Variants in DMD observed in about 807,000 individuals in gnomAD.
DMD encodes mutant dystrophin.
Under a neutral mutation model 330.1 loss-of-function variants are expected in DMD, and 63 were observed. That is an observed-to-expected ratio of 0.19 (90% CI 0.16 to 0.24). The LOEUF is 0.24. DMD is among the 10% of genes least tolerant of loss of function. The probability of loss-of-function intolerance (pLI) is 1.00; values close to 1 mark genes in which losing one functional copy is unlikely to be tolerated. For missense variants in DMD, 3,344 were observed against 2,684.1 expected (o/e 1.25, Z -5.43); for synonymous variants, 1,223 against 959.8 (o/e 1.27, Z -5.07).
chrX:32,809,446 T>G, intron 7 of DMD, 47 bp downstream of exon 7: 1 of 1,056,616 alleles, frequency 9.5e-7, no homozygotes, highest in Non-Finnish European at 1.3e-6. Context: ...ATGAAAACAT[T>G]AAACTCTACC....
intron 41 of DMD, among the ~76,000 whole-genome samples, chrX:32,322,945 GT>G (rs1479709860): frequency 8.9e-6 from 1 of 112,194 alleles, no homozygotes; most frequent in Non-Finnish European, 1.9e-5. Flanking sequence ...CATCCTTTAT[GT>G]TTTTACGAGG....
At chrX:32,194,802 A>G (rs2096991591) in intron 44 of DMD, among the ~76,000 whole-genome samples, 1 of 112,064 alleles carries the variant, frequency 8.9e-6, no homozygotes, top group Admixed American at 9.5e-5. Flanking sequence ...AATGGTAAAG[A>G]TAGAAATATA....
intron 47 of DMD, among the ~76,000 whole-genome samples, chrX:31,888,709 A>C (rs762645039): frequency 8.9e-6 from 1 of 111,843 alleles, no homozygotes; most frequent in African/African-American, 3.2e-5. Context: ...GAGGTCATTT[A>C]TTTTCTTTCC....
chrX:32,554,700 C>T (rs1299429493), intron 16 of DMD, among the ~76,000 whole-genome samples: 7 of 105,314 alleles, frequency 6.6e-5, no homozygotes, highest in Non-Finnish European at 1.4e-4. Context: ...CAAAGAAGAG[C>T]TGGTATCATT....
At chrX:32,781,100 G>A (rs1034988386) in intron 7 of DMD, among the ~76,000 whole-genome samples, 6 of 101,402 alleles carry the variant, frequency 5.9e-5, no homozygotes, top group African/African-American at 1.9e-4. Context: ...CCTGGGCGAC[G>A]GAGCGAGCCT....
Position 32,878,335 on chromosome X carries a change from T to G in DMD, c.94-28515A>C, listed in dbSNP as rs1314996422. Among the ~76,000 whole-genome samples, 3 of 111,261 alleles carry G rather than the reference T, an allele frequency of 2.7e-5. No individual in the cohort carries two copies. The Admixed American group carries it at 2.8e-4, about 11-fold the overall frequency. ...GGAGCTTGCAGTGAGCCGAGATTGCTCCACTGCACCCCAGCCTGGGCGACA... is the reference window on the plus strand; with the variant it reads ...GGAGCTTGCAGTGAGCCGAGATTGCGCCACTGCACCCCAGCCTGGGCGACA... On this transcript the variant is annotated intron_variant, in intron 2 of 78. Coordinates refer to ENST00000357033, the MANE Select transcript of DMD (RefSeq NM_004006.3).
chrX:32,702,504 A>C (rs867422947), intron 7 of DMD, among the ~76,000 whole-genome samples: 1 of 111,479 alleles, frequency 9.0e-6, no homozygotes, highest in Non-Finnish European at 1.9e-5. Flanking sequence ...AAACTGGTAG[A>C]TTGTACATAG....
chrX:31,710,055 C>T (rs2084513209), intron 52 of DMD, among the ~76,000 whole-genome samples: 1 of 111,776 alleles, frequency 8.9e-6, no homozygotes, highest in Admixed American at 9.5e-5. Context: ...AATACAGATT[C>T]CCAAGGCCTT....
At chrX:32,684,858 T>C (rs946629298) in intron 9 of DMD, among the ~76,000 whole-genome samples, 7 of 111,232 alleles carry the variant, frequency 6.3e-5, no homozygotes, top group African/African-American at 2.3e-4. Flanking sequence ...GGGCTATCAA[T>C]CCTTCGTATG....
chrX:32,863,355 A>G (rs2082215055), intron 2 of DMD, among the ~76,000 whole-genome samples: 1 of 108,652 alleles, frequency 9.2e-6, no homozygotes, highest in South Asian at 4.1e-4. Flanking sequence ...CACCTTTACT[A>G]AAAATACAAA....
intron 53 of DMD, among the ~76,000 whole-genome samples, chrX:31,672,389 G>A (rs1186087216): frequency 1.8e-5 from 2 of 112,073 alleles, no homozygotes; most frequent in African/African-American, 3.2e-5. Context: ...TGGATGAAAC[G>A]CTGTATAGAT....
chrX:31,143,544 G>T (rs1473141457), intron 76 of DMD, among the ~76,000 whole-genome samples: 1 of 111,827 alleles, frequency 8.9e-6, no homozygotes, highest in Admixed American at 9.5e-5. Flanking sequence ...CTTGAATTCA[G>T]TCTTTTCTTT....
At chrX:32,463,390 C>A in intron 25 of DMD, 49 bp downstream of exon 25, 1 of 1,114,736 alleles carries the variant, frequency 9.0e-7, no homozygotes, top group East Asian at 3.2e-5. Flanking sequence ...ATTAGGAAAT[C>A]TTAGTTAAGT....
At chrX:31,155,909 C>A (rs1272328802) in intron 74 of DMD, among the ~76,000 whole-genome samples, 2 of 109,896 alleles carry the variant, frequency 1.8e-5, no homozygotes, top group East Asian at 2.8e-4. Flanking sequence ...GTGGGAGGAC[C>A]GCTTGAGTCT....
intron 1 of DMD, among the ~76,000 whole-genome samples, chrX:33,144,256 G>T (rs765556970): frequency 2.7e-5 from 3 of 111,459 alleles, no homozygotes; most frequent in African/African-American, 9.8e-5. Context: ...TGGAATGATT[G>T]TTACCAGAGG....
At chrX:32,098,465 G>A (rs2096523345) in intron 44 of DMD, among the ~76,000 whole-genome samples, 1 of 111,651 alleles carries the variant, frequency 9.0e-6, no homozygotes, top group African/African-American at 3.3e-5. Context: ...CTTGCTAATA[G>A]TCCAGTTTTC....
chrX:31,958,976 C>T (rs1185553445), intron 45 of DMD, among the ~76,000 whole-genome samples: 1 of 111,412 alleles, frequency 9.0e-6, no homozygotes, highest in Non-Finnish European at 1.9e-5. Flanking sequence ...GCCTTCCATG[C>T]AGCCAGTTCC....
intron 44 of DMD, among the ~76,000 whole-genome samples, chrX:31,997,991 A>G (rs1327760573): frequency 1.8e-5 from 2 of 111,637 alleles, no homozygotes; most frequent in Non-Finnish European, 3.8e-5. Flanking sequence ...TATATCCATG[A>G]GAAGGCAGTG....
intron 7 of DMD, among the ~76,000 whole-genome samples, chrX:32,718,340 A>T (rs2065934319): frequency 9.0e-6 from 1 of 110,670 alleles, no homozygotes; most frequent in East Asian, 2.8e-4. Context: ...AGCGTGTAGC[A>T]TCTCTGCCTG....
Sources: gnomAD v4.1 joint callset for allele counts (sites outside exome capture counted in the v4.1 genomes callset) on GRCh38, gnomAD v4.1.1 for gene constraint, MANE v1.5 for transcripts, NCBI Gene and HGNC (gene_info 2026-07-23, HGNC 2026-07-21) for gene names.